The following DPYD variants were observed in gnomAD, a reference collection of about 807,000 sequenced individuals.
DPYD encodes dihydropyrimidine dehydrogenase [NADP(+)].
In DPYD, 109 loss-of-function variants were observed where a neutral mutation model predicts 116.2. The ratio of observed to expected loss-of-function variants is 0.94; its 90% confidence interval spans 0.80 to 1.10. The LOEUF (loss-of-function observed/expected upper bound fraction) is 1.10, where lower values mean the gene tolerates loss of function less well. Ranked by LOEUF, DPYD falls within the 50% of genes least tolerant of loss-of-function variation. DPYD has a pLI of 0.00. For synonymous variants in DPYD, 440 were observed against 432.0 expected, an observed-to-expected ratio of 1.02 and a Z score of -0.23; for missense variants, 1,302 against 1,254.5, an observed-to-expected ratio of 1.04 and a Z score of -0.57.
At chr1:97,353,063 T>C (rs562511138) in intron 16 of DPYD, among the ~76,000 whole-genome samples, 2 of 149,002 alleles carry the variant, frequency 1.3e-5, no homozygotes, top group African/African-American at 2.5e-5. Context: ...CTCAAAACAA[T>C]AGATAGGAAA....
chr1:97,406,561 C>A (rs1453581454), intron 14 of DPYD, among the ~76,000 whole-genome samples: 1 of 146,028 alleles, frequency 6.8e-6, no homozygotes, highest in Non-Finnish European at 1.5e-5. Flanking sequence ...TAGCCCCCCA[C>A]CCCCCGACAG....
At chr1:97,704,151 A>G (rs1457445780) in intron 5 of DPYD, among the ~76,000 whole-genome samples, 1 of 152,122 alleles carries the variant, frequency 6.6e-6, no homozygotes, top group African/African-American at 2.4e-5. Flanking sequence ...CTGAAATACA[A>G]GTAATGGATT....
intron 18 of DPYD, among the ~76,000 whole-genome samples, chr1:97,247,724 G>A (rs971373435): frequency 1.3e-5 from 2 of 152,062 alleles, no homozygotes; most frequent in African/African-American, 4.8e-5. Flanking sequence ...AACAATATGA[G>A]CAATGTCATA....
chr1:97,437,530 CTTT>C (rs1228463383), intron 14 of DPYD, among the ~76,000 whole-genome samples: 1 of 151,612 alleles, frequency 6.6e-6, no homozygotes, highest in Non-Finnish European at 1.5e-5. Context: ...CCGTACAAGT[CTTT>C]GTATAGATAT....
rs1057516357 is a variant in DPYD, at chr1:97,573,759, C to G, written c.1339+1G>C. 1 of 1,613,432 alleles carries G rather than the reference C, an allele frequency of 6.2e-7. No individual in the cohort carries two copies. The highest frequency in any genetic ancestry group is 8.5e-7 in the Non-Finnish European group (1 of 1,179,504). On this transcript the variant is annotated splice_donor_variant, in intron 11 of 22. Transcript: ENST00000370192. LOFTEE classifies it high-confidence loss of function. ...ACACATTTCAGCTCCCAGCACTGTA[C>G]CTTTAGGATCACTCAGAACTGAACC...
intron 16 of DPYD, chr1:97,323,090 T>C (rs1668397294): frequency 2.0e-5 from 3 of 151,020 alleles, no homozygotes; most frequent in African/African-American, 7.3e-5. Flanking sequence ...CGATTCAATT[T>C]TTTTACTATT....
intron 21 of DPYD, among the ~76,000 whole-genome samples, chr1:97,087,690 T>A (rs1412336697): frequency 6.6e-6 from 1 of 152,214 alleles, no homozygotes; most frequent in Non-Finnish European, 1.5e-5. Flanking sequence ...AAAGTGGTAA[T>A]GTCTTGCAAG....
At chr1:97,177,569 T>TC (rs887406014) in intron 20 of DPYD, among the ~76,000 whole-genome samples, 17 of 147,328 alleles carry the variant, frequency 1.2e-4, no homozygotes, top group African/African-American at 4.0e-4. Flanking sequence ...TTTCTTTCTT[T>TC]TTTTTTTTTT....
At chr1:97,502,173 G>T (rs1421563293) in intron 13 of DPYD, among the ~76,000 whole-genome samples, 2 of 152,064 alleles carry the variant, frequency 1.3e-5, no homozygotes, top group Non-Finnish European at 2.9e-5. Context: ...CAGGAGGAAA[G>T]AATTTGTGAC....
At chr1:97,306,319 A>C (rs747189276) in intron 16 of DPYD, 22 bp from the exon 17 acceptor site, 18 of 1,611,706 alleles carry the variant, frequency 1.1e-5, no homozygotes, top group Middle Eastern at 3.3e-4. Flanking sequence ...GGTCGGTTAA[A>C]TATAGAACAA....
intron 14 of DPYD, among the ~76,000 whole-genome samples, chr1:97,423,824 A>G (rs1409799250): frequency 1.3e-5 from 2 of 152,110 alleles, no homozygotes; most frequent in Non-Finnish European, 2.9e-5. Flanking sequence ...CTCTTTGGAC[A>G]TTTTGCACTG....
intron 20 of DPYD, among the ~76,000 whole-genome samples, chr1:97,174,770 ATG>A (rs1391922708): frequency 1.3e-5 from 2 of 152,186 alleles, no homozygotes; most frequent in Non-Finnish European, 1.5e-5. Context: ...AAAATTAACA[ATG>A]TATTTATAAT....
intron 3 of DPYD, among the ~76,000 whole-genome samples, chr1:97,802,881 C>A (rs562966144): frequency 1.6e-4 from 25 of 151,698 alleles, no homozygotes; most frequent in Admixed American, 1.6e-3. Context: ...GTTTGCTGTT[C>A]GTTTAATTCA....
At chr1:97,443,031 C>A (rs1173221204) in intron 14 of DPYD, among the ~76,000 whole-genome samples, 1 of 152,114 alleles carries the variant, frequency 6.6e-6, no homozygotes. Flanking sequence ...GAGGGTCACA[C>A]AGATGAGGAA....
chr1:97,741,232 T>C (rs1050069020), intron 3 of DPYD, among the ~76,000 whole-genome samples: 2 of 152,194 alleles, frequency 1.3e-5, no homozygotes, highest in Admixed American at 6.5e-5. Flanking sequence ...CAAGGAGCCA[T>C]TGAAGCATTT....
intron 20 of DPYD, among the ~76,000 whole-genome samples, chr1:97,146,493 G>A (rs1654642792): frequency 6.6e-6 from 1 of 152,158 alleles, no homozygotes; most frequent in Admixed American, 6.5e-5. Flanking sequence ...GTTATTCTGG[G>A]CAGTCTCTAT....
In DPYD at chr1:97,825,730, C is replaced by A. The variant is rs564078676; in HGVS notation, c.233+2384G>T. On this transcript the variant is annotated intron_variant, in intron 3 of 22. Transcript: ENST00000370192. Reference sequence around the variant, plus strand: ...GGCGCATGTATACATATGTAACTAACCTGCACGTTGTGCACATGTACCCTA... The same window carrying A: ...GGCGCATGTATACATATGTAACTAAACTGCACGTTGTGCACATGTACCCTA... Among the ~76,000 whole-genome samples the A allele has an allele frequency of 1.6e-3, 239 of 151,818 alleles. 1 individual carries two copies. Among genetic ancestry groups the A allele is most frequent in the African/African-American group, 5.6e-3 (234 of 41,424 alleles).
At chr1:97,134,124 C>T (rs371546134) in intron 20 of DPYD, among the ~76,000 whole-genome samples, 7 of 139,640 alleles carry the variant, frequency 5.0e-5, no homozygotes, top group African/African-American at 1.9e-4. Context: ...CAATAATAAG[C>T]TGATAATAAT....
At chr1:97,079,212 C>T (rs1648988268) in intron 22 of DPYD, 66 bp from the exon 23 acceptor site, 8 of 1,582,582 alleles carry the variant, frequency 5.1e-6, no homozygotes, top group East Asian at 2.2e-5. Flanking sequence ...CCCATTTTAG[C>T]GTTAACATTT....
Sources: allele counts gnomAD v4.1 joint callset (sites outside exome capture counted in the v4.1 genomes callset), GRCh38; gene constraint gnomAD v4.1.1; transcripts MANE v1.5; gene names NCBI Gene and HGNC (gene_info 2026-07-23, HGNC 2026-07-21).